Variants in ST3GAL2 observed in about 807,000 individuals in gnomAD.
The protein encoded by ST3GAL2 is ST3 beta-galactoside alpha-2,3-sialyltransferase 2.
In ST3GAL2, 16 loss-of-function variants were observed where a neutral mutation model predicts 37.5. The ratio of observed to expected loss-of-function variants is 0.43; its 90% CI spans 0.29 to 0.65. The LOEUF (loss-of-function observed/expected upper bound fraction) is 0.65, where lower values mean the gene tolerates loss of function less well. Among genes scored for constraint, ST3GAL2 ranks in the 30% least tolerant of loss-of-function variants. The pLI, the probability that ST3GAL2 is intolerant of heterozygous loss-of-function variation, is 0.17. For missense variants in ST3GAL2, 383 were observed against 487.8 expected, an observed-to-expected ratio of 0.79 and a Z score of 2.02; for synonymous variants, 238 against 202.9, an observed-to-expected ratio of 1.17 and a Z score of -1.47.
chr16:70,397,427 AT>A (rs1346356994), intron 2 of ST3GAL2, among the ~76,000 whole-genome samples: 1 of 150,788 alleles, frequency 6.6e-6, no homozygotes, highest in Non-Finnish European at 1.5e-5. Context: ...TTCTCATGGT[AT>A]TTACAATTAT....
chr16:70,383,656 G>A (rs2047422053), intron 4 of ST3GAL2, among the ~76,000 whole-genome samples: 1 of 151,576 alleles, frequency 6.6e-6, no homozygotes, highest in Admixed American at 6.6e-5. Context: ...GAAAGGAAAG[G>A]AGAAAGGAAA....
At chr16:70,430,800 G>A (rs185328125) in intron 1 of ST3GAL2, among the ~76,000 whole-genome samples, 37 of 152,210 alleles carry the variant, frequency 2.4e-4, no homozygotes, top group African/African-American at 8.7e-4. Context: ...GAGGAGGCCG[G>A]GGTTCTCTCC....
intron 1 of ST3GAL2, among the ~76,000 whole-genome samples, chr16:70,404,927 G>A (rs1213917265): frequency 6.6e-6 from 1 of 151,960 alleles, no homozygotes; most frequent in Non-Finnish European, 1.5e-5. Flanking sequence ...CAGCTACTCA[G>A]GAGGCTGAGG....
chr16:70,395,220 G>T, intron 2 of ST3GAL2, 45 bp from the exon 3 acceptor site: 1 of 1,555,164 alleles, frequency 6.4e-7, no homozygotes, highest in Non-Finnish European at 8.7e-7. Flanking sequence ...GGGGAGAGGT[G>T]TGTGAAGAAG....
intron 1 of ST3GAL2, among the ~76,000 whole-genome samples, chr16:70,412,207 T>C (rs1157973060): frequency 3.9e-5 from 6 of 152,240 alleles, no homozygotes; most frequent in African/African-American, 1.4e-4. Context: ...TCTTGAATGA[T>C]AGCTGGCTAT....
At chr16:70,433,505 C>T (rs1474071712) in intron 1 of ST3GAL2, among the ~76,000 whole-genome samples, 3 of 152,154 alleles carry the variant, frequency 2.0e-5, no homozygotes. Flanking sequence ...GAGGGAACTG[C>T]CCAACATGCC....
intron 6 of ST3GAL2, 35 bp downstream of exon 6, chr16:70,382,770 T>C: frequency 5.6e-6 from 9 of 1,613,368 alleles, no homozygotes; most frequent in Non-Finnish European, 7.6e-6. Flanking sequence ...CTCTGTTCCA[T>C]GGGTTCCCAC....
At chr16:70,392,959 C>A (rs1279383620) in intron 3 of ST3GAL2, among the ~76,000 whole-genome samples, 2 of 152,098 alleles carry the variant, frequency 1.3e-5, no homozygotes, top group Non-Finnish European at 2.9e-5. Context: ...TTATCCACTG[C>A]CATCCAGTTC....
Position 70,381,389 on chromosome 16 carries a change from T to C in ST3GAL2, c.*300A>G, listed in dbSNP as rs753144894. ...TGAAAGAAAACCCTAACCCAAAGCA[T>C]GAGGGAGTGGGGATTGAGCGGCCGC... On this transcript the variant is annotated 3_prime_UTR_variant, in exon 7 of 7. Coordinates refer to ENST00000342907, the MANE Select transcript of ST3GAL2 (RefSeq NM_006927.4). 10 of 357,716 alleles carry C rather than the reference T, an allele frequency of 2.8e-5. No individual in the cohort carries two copies. The highest frequency in any genetic ancestry group is 4.7e-5 in the Non-Finnish European group (9 of 192,890). 22.2% of individuals were successfully genotyped at this position (357,716 alleles called of 1,614,324 possible).
chr16:70,390,570 C>A (rs1262232414), intron 3 of ST3GAL2, among the ~76,000 whole-genome samples: 1 of 152,106 alleles, frequency 6.6e-6, no homozygotes, highest in African/African-American at 2.4e-5. Flanking sequence ...GCTTTAAGAC[C>A]CTGTCTGCCC....
chr16:70,408,852 C>T (rs1040214937), intron 1 of ST3GAL2, among the ~76,000 whole-genome samples: 13 of 130,300 alleles, frequency 1.0e-4, no homozygotes, highest in Non-Finnish European at 2.0e-4. Context: ...GAGGCTGCAC[C>T]CTAACAGCCT....
intron 1 of ST3GAL2, among the ~76,000 whole-genome samples, chr16:70,420,174 C>A (rs1228993911): frequency 2.0e-5 from 3 of 151,890 alleles, no homozygotes; most frequent in Admixed American, 6.6e-5. Flanking sequence ...TTCTTGTGGC[C>A]CAGTGGGAGG....
At chr16:70,386,169 C>A (rs1420361643) in intron 4 of ST3GAL2, among the ~76,000 whole-genome samples, 1 of 149,992 alleles carries the variant, frequency 6.7e-6, no homozygotes, top group African/African-American at 2.5e-5. Context: ...TACAGACGTG[C>A]GCCACCACAC....
intron 3 of ST3GAL2, among the ~76,000 whole-genome samples, chr16:70,394,404 G>A (rs1373597911): frequency 6.6e-6 from 1 of 152,068 alleles, no homozygotes; most frequent in African/African-American, 2.4e-5. Context: ...TTGAGACAGG[G>A]TCTCAGTCTA....
At chr16:70,407,047 G>A (rs1331732237) in intron 1 of ST3GAL2, among the ~76,000 whole-genome samples, 2 of 152,076 alleles carry the variant, frequency 1.3e-5, no homozygotes, top group African/African-American at 2.4e-5. Flanking sequence ...TTTATTGTTG[G>A]GGTTGGAGAT....
chr16:70,435,894 G>C (rs2047821823), intron 1 of ST3GAL2, among the ~76,000 whole-genome samples: 1 of 151,216 alleles, frequency 6.6e-6, no homozygotes, highest in Non-Finnish European at 1.5e-5. Flanking sequence ...GGGAAGCTGA[G>C]GCGGGCGGAG....
In ST3GAL2 at chr16:70,376,282, A is replaced by G. The variant is rs966078832; in HGVS notation, c.*5407T>C. The G allele has an allele frequency of 3.9e-5, 6 of 152,236 alleles. No homozygotes were observed. The highest frequency in any genetic ancestry group is 7.3e-5 in the Non-Finnish European group (5 of 68,040). The allele number at this position is 152,236 out of a possible 1,614,324, so 9.4% of individuals were successfully genotyped here. ...TTGTAATTTTAAAAAAGGAAAGGCA[A>G]AGTCATTTTATAGCAAGGCCGGATG... On this transcript the variant is annotated 3_prime_UTR_variant, in exon 7 of 7. Transcript: ENST00000342907.
chr16:70,423,659 T>C (rs528903718), intron 1 of ST3GAL2, among the ~76,000 whole-genome samples: 13 of 151,284 alleles, frequency 8.6e-5, no homozygotes, highest in African/African-American at 2.7e-4. Flanking sequence ...GATCTGTAAA[T>C]GGAATGACTC....
intron 1 of ST3GAL2, among the ~76,000 whole-genome samples, chr16:70,422,274 G>T (rs1490860473): frequency 6.6e-6 from 1 of 152,192 alleles, no homozygotes; most frequent in East Asian, 1.9e-4. Flanking sequence ...ATGACTGTAG[G>T]CTGTGGAGTG....
Sources: gnomAD v4.1 joint callset for allele counts (sites outside exome capture counted in the v4.1 genomes callset) on GRCh38, gnomAD v4.1.1 for gene constraint, MANE v1.5 for transcripts, NCBI Gene and HGNC (gene_info 2026-07-23, HGNC 2026-07-21) for gene names.